Variants in PPARA observed in about 807,000 individuals in gnomAD.
PPARA encodes peroxisome proliferator activated receptor alpha, also known as peroxisome proliferator-activated receptor alpha.
Under a neutral mutation model 42.2 loss-of-function variants are expected in PPARA, and 22 were observed. The observed-to-expected ratio is 0.52, with a 90% CI of 0.37 to 0.74. PPARA has a LOEUF of 0.74. Among genes scored for constraint, PPARA ranks in the 30% least tolerant of loss-of-function variants. The pLI is 0.00. For missense variants in PPARA, 465 were observed against 608.2 expected, an observed-to-expected ratio of 0.76 and a Z score of 2.48; for synonymous variants, 242 against 239.3, an observed-to-expected ratio of 1.01 and a Z score of -0.10.
Position 46,211,531 on chromosome 22 carries a change from T to G in PPARA, c.209-3642T>G, listed in dbSNP as rs977913500. Among the ~76,000 whole-genome samples, 1 of 152,198 alleles carries G rather than the reference T, an allele frequency of 6.6e-6. No individual in the cohort carries two copies. Among genetic ancestry groups the G allele is most frequent in the African/African-American group, 2.4e-5 (1 of 41,454 alleles). On this transcript the variant is annotated intron_variant, in intron 4 of 8. Coordinates refer to ENST00000407236, the MANE Select transcript of PPARA (RefSeq NM_005036.6). This position sits in a 1 kb window ranked among gnomAD's most constrained non-coding sequence, Gnocchi z 4.1. The stretch of plus-strand genomic sequence containing the variant: ...TCCTACATTCGTAGCACAGTTAGAT[T>G]GTTTTGTTACATTCTGCATTTCACC...
chr22:46,226,762 G>A (rs371874877), intron 7 of PPARA, among the ~76,000 whole-genome samples: 27 of 152,230 alleles, frequency 1.8e-4, no homozygotes, highest in Middle Eastern at 3.4e-3. Context: ...GGTTCCAGCC[G>A]CTCAGGAGGC....
chr22:46,168,351 C>CAAAAAAAAAAA (rs35345592), intron 2 of PPARA, among the ~76,000 whole-genome samples: 10 of 14,380 alleles, frequency 7.0e-4, no homozygotes, highest in East Asian at 3.9e-3. Flanking sequence ...GACTCCATCT[C>CAAAAAAAAAAA]AAAAAAAAAA....
At position 46,231,319 on chromosome 22, in the gene PPARA, C is replaced by T. The variant is rs1024665708; in HGVS notation, c.712-473C>T. ...CTGCAAGCTCTGCCTCCTGGGTTCACGCCATTCTCCTGCCTCAGCCTCCCG... is the reference window on the plus strand; with the variant it reads ...CTGCAAGCTCTGCCTCCTGGGTTCATGCCATTCTCCTGCCTCAGCCTCCCG... On this transcript the variant is annotated intron_variant, in intron 7 of 8. Transcript: ENST00000407236. This position sits in a 1 kb window ranked among gnomAD's most constrained non-coding sequence, Gnocchi z 7.7. Among the ~76,000 whole-genome samples, 35 of 151,486 alleles carry T rather than the reference C, an allele frequency of 2.3e-4. No homozygotes were observed. Among genetic ancestry groups the T allele is most frequent in the Admixed American group, 5.9e-4 (9 of 15,176 alleles).
At chr22:46,229,442 A>G (rs1295170933) in intron 7 of PPARA, among the ~76,000 whole-genome samples, 2 of 151,856 alleles carry the variant, frequency 1.3e-5, no homozygotes, top group Non-Finnish European at 2.9e-5. Context: ...AATCCCAGCT[A>G]CTCGGGAGGC....
At chr22:46,179,232 A>G (rs1219284681) in intron 3 of PPARA, among the ~76,000 whole-genome samples, 1 of 152,256 alleles carries the variant, frequency 6.6e-6, no homozygotes, top group Non-Finnish European at 1.5e-5. Context: ...TTTGGGGGAT[A>G]CATTCAAAGT....
intron 3 of PPARA, among the ~76,000 whole-genome samples, chr22:46,178,848 G>A (rs1601661328): frequency 6.6e-6 from 1 of 152,184 alleles, no homozygotes; most frequent in East Asian, 1.9e-4. Flanking sequence ...AGAACATCAG[G>A]TGTGTACCAA....
chr22:46,178,283 T>C (rs1289701205), intron 3 of PPARA, among the ~76,000 whole-genome samples: 4 of 152,218 alleles, frequency 2.6e-5, no homozygotes, highest in Admixed American at 2.6e-4. Context: ...ATTATGCCTA[T>C]AGAAATTACA....
intron 3 of PPARA, among the ~76,000 whole-genome samples, 172 bp downstream of exon 3, chr22:46,177,008 A>G (rs185255875): frequency 3.3e-4 from 50 of 152,340 alleles, no homozygotes; most frequent in African/African-American, 1.2e-3. Flanking sequence ...TAGGAGATTG[A>G]GACCATCCTG....
rs1929795394 is a variant in PPARA at position 46,180,482 on chromosome 22, A to C, written c.-43+3646A>C. 6.6e-6 allele frequency among the ~76,000 whole-genome samples: 1 copy of C among 152,158 alleles called. No homozygotes were observed. The highest frequency in any genetic ancestry group is 1.5e-5 in the Non-Finnish European group (1 of 68,026). ...TTATCTAGCCTCCATGTATTTTGTA[A>C]GTTCTGTAAATTCCTGTTTTCCCTG... is the stretch of plus-strand genomic sequence containing the variant. On this transcript the variant is annotated intron_variant, in intron 3 of 8. Coordinates refer to ENST00000407236, the MANE Select transcript of PPARA (RefSeq NM_005036.6). The surrounding 1 kb of genome is among the most constrained non-coding windows in gnomAD (Gnocchi z 4.2).
intron 3 of PPARA, 112 bp from the exon 4 acceptor site, chr22:46,198,230 T>C (rs1237825131): frequency 6.7e-5 from 17 of 253,932 alleles, no homozygotes; most frequent in Non-Finnish European, 9.3e-5. Context: ...AGACTGAGAC[T>C]CTGTCTCAAA....
chr22:46,241,973 T>C lies in PPARA; in HGVS notation c.*6593T>C, dbSNP rs1199765689. 1 of 150,606 alleles carries C rather than the reference T, an allele frequency of 6.6e-6. No homozygotes were observed. Among genetic ancestry groups the C allele is most frequent in the Non-Finnish European group, 1.5e-5 (1 of 67,640 alleles). The allele number at this position is 150,606 out of a possible 1,614,324, so 9.3% of individuals were successfully genotyped here. A position where few individuals can be genotyped will look rare whatever the true frequency, so the allele number is the denominator to read the frequency against. On this transcript the variant is annotated 3_prime_UTR_variant, in exon 9 of 9. Coordinates refer to ENST00000407236, the MANE Select transcript of PPARA (RefSeq NM_005036.6). The surrounding 1 kb of genome is among the most constrained non-coding windows in gnomAD (Gnocchi z 5.7). ...GATTTTTACATCAGAGATAGCAAAC[T>C]AAGACCTGGGGAGGGGGGTCAGCTT...
At chr22:46,158,385 A>C (rs1433982390) in intron 2 of PPARA, among the ~76,000 whole-genome samples, 1 of 152,066 alleles carries the variant, frequency 6.6e-6, no homozygotes, top group East Asian at 1.9e-4. Context: ...TCTCAGAAAA[A>C]AAAAGAGTGA....
At chr22:46,175,698 A>C (rs1311103406) in intron 2 of PPARA, among the ~76,000 whole-genome samples, 1 of 151,660 alleles carries the variant, frequency 6.6e-6, no homozygotes. Flanking sequence ...TGGGTGACAA[A>C]GCGAGACTCC....
At chr22:46,205,337 C>G (rs920627389) in intron 4 of PPARA, among the ~76,000 whole-genome samples, 1 of 150,716 alleles carries the variant, frequency 6.6e-6, no homozygotes, top group Non-Finnish European at 1.5e-5. Context: ...CTACTTCAGC[C>G]TCCCAAGTAG....
At position 46,190,483 on chromosome 22, in the gene PPARA, G is replaced by A. The variant is rs1931392884; in HGVS notation, c.-42-7859G>A. On this transcript the variant is annotated intron_variant, in intron 3 of 8. Coordinates refer to ENST00000407236, the MANE Select transcript of PPARA (RefSeq NM_005036.6). This position sits in a 1 kb window ranked among gnomAD's most constrained non-coding sequence, Gnocchi z 5.6. The stretch of plus-strand genomic sequence containing the variant: ...CACATATAAGTTCCAGGCTGGGTAT[G>A]ATGGCTCACACCAGTAATCCCAACA... Among the ~76,000 whole-genome samples the A allele has an allele frequency of 6.6e-6, 1 of 152,192 alleles. No homozygotes were observed. Among genetic ancestry groups the A allele is most frequent in the African/African-American group, 2.4e-5 (1 of 41,460 alleles).
At position 46,225,327 on chromosome 22, in the gene PPARA, G is replaced by T. The variant is rs1324097029; in HGVS notation, c.711+5313G>T. Among the ~76,000 whole-genome samples the T allele has an allele frequency of 6.6e-6, 1 of 152,174 alleles. No homozygotes were observed. Among genetic ancestry groups the T allele is most frequent in the Non-Finnish European group, 1.5e-5 (1 of 68,026 alleles). ...GGTAACAGGGATGGAAGCAGAGTCAGGGGGCTGAGGGAGGCAATAAAAATG... is the reference window on the plus strand; with the variant it reads ...GGTAACAGGGATGGAAGCAGAGTCATGGGGCTGAGGGAGGCAATAAAAATG... On this transcript the variant is annotated intron_variant, in intron 7 of 8. Transcript: ENST00000407236. This position sits in a 1 kb window ranked among gnomAD's most constrained non-coding sequence, Gnocchi z 4.1.
intron 2 of PPARA, among the ~76,000 whole-genome samples, chr22:46,158,103 T>C (rs1925594267): frequency 6.6e-6 from 1 of 152,088 alleles, no homozygotes; most frequent in Non-Finnish European, 1.5e-5. Flanking sequence ...TCATTTTTCA[T>C]TTTTCATTTT....
At chr22:46,185,081 T>C (rs1930480721) in intron 3 of PPARA, among the ~76,000 whole-genome samples, 1 of 152,122 alleles carries the variant, frequency 6.6e-6, no homozygotes, top group African/African-American at 2.4e-5. Flanking sequence ...TACTGGTTGG[T>C]GGTTTCCTGT....
intron 3 of PPARA, among the ~76,000 whole-genome samples, chr22:46,189,652 T>C (rs1247174486): frequency 6.6e-6 from 1 of 152,214 alleles, no homozygotes; most frequent in Non-Finnish European, 1.5e-5. Flanking sequence ...CTGACTTTGT[T>C]AGCGTGTTAA....
Sources: allele counts gnomAD v4.1 joint callset (sites outside exome capture counted in the v4.1 genomes callset), GRCh38; gene constraint gnomAD v4.1.1; non-coding constraint Gnocchi (gnomAD v3.1); transcripts MANE v1.5; gene names NCBI Gene and HGNC (gene_info 2026-07-23, HGNC 2026-07-21).